Variants in PRUNE2 observed in about 807,000 individuals in gnomAD.
PRUNE2 encodes prune homolog 2 with BCH domain.
A neutral mutation model predicts 252.0 loss-of-function variants in PRUNE2; 164 were observed. The observed-to-expected ratio is 0.65, with a 90% CI of 0.57 to 0.74. The LOEUF (loss-of-function observed/expected upper bound fraction) is 0.74. PRUNE2 is among the 30% of genes least tolerant of loss of function. The pLI is 0.00. For missense variants in PRUNE2, 3,495 were observed against 3,711.0 expected (o/e 0.94, Z 1.51); for synonymous variants, 1,292 against 1,350.2 (o/e 0.96, Z 0.94).
Position 76,709,951 on chromosome 9 carries a change from G to C in PRUNE2, c.2323C>G (p.Pro775Ala). 1 of 1,613,782 alleles carries C rather than the reference G, an allele frequency of 6.2e-7. No homozygotes were observed. The highest frequency in any genetic ancestry group is 8.5e-7 in the Non-Finnish European group (1 of 1,179,796). ...CCCCAGGGCTCGGGCATGGCTGTGGGAGAGCGACCAGAATGCCACAAAGAA... is the reference window on the plus strand; with the variant it reads ...CCCCAGGGCTCGGGCATGGCTGTGGCAGAGCGACCAGAATGCCACAAAGAA... The part of the protein sequence containing the change: ...FASLWHSGRS[P>A]TAMPEPWGNP... Residue 775 changes from proline (P) to alanine (A), a missense_variant, in exon 8 of 19, where the codon CCC becomes GCC. Coordinates refer to ENST00000376718, the MANE Select transcript of PRUNE2 (RefSeq NM_015225.3).
intron 9 of PRUNE2, among the ~76,000 whole-genome samples, chr9:76,656,690 G>A (rs901546874): frequency 3.9e-5 from 6 of 152,090 alleles, no homozygotes; most frequent in African/African-American, 4.8e-5. Context: ...TCTCATTCTC[G>A]TGGTGGAGTT....
At chr9:76,731,286 CTATCTATCTA>C (rs1564171600) in intron 6 of PRUNE2, among the ~76,000 whole-genome samples, 1 of 74,880 alleles carries the variant, frequency 1.3e-5, no homozygotes, top group African/African-American at 5.5e-5. Context: ...CTCTCTCTAT[CTATCTATCTA>C]TCTATCTATC....
intron 9 of PRUNE2, among the ~76,000 whole-genome samples, chr9:76,677,682 A>G (rs2042846063): frequency 6.6e-6 from 1 of 152,152 alleles, no homozygotes; most frequent in Non-Finnish European, 1.5e-5. Context: ...CTCTAGCATT[A>G]AATTCCTTTA....
chr9:76,694,685 CAAA>C (rs2045206902), intron 9 of PRUNE2, among the ~76,000 whole-genome samples: 1 of 152,100 alleles, frequency 6.6e-6, no homozygotes, highest in East Asian at 1.9e-4. Flanking sequence ...TGTGCCAGGG[CAAA>C]ACAGTCCTAA....
intron 6 of PRUNE2, among the ~76,000 whole-genome samples, chr9:76,818,804 TTA>T (rs2131869729): frequency 6.6e-6 from 1 of 152,306 alleles, no homozygotes; most frequent in Admixed American, 6.5e-5. Context: ...ATTTTAAGTT[TTA>T]TTCTTTTAAG....
At chr9:76,833,309 T>C (rs550253941) in intron 4 of PRUNE2, among the ~76,000 whole-genome samples, 6 of 152,264 alleles carry the variant, frequency 3.9e-5, no homozygotes, top group Admixed American at 3.9e-4. Context: ...CAATCAGTTA[T>C]AATTGATCAT....
intron 1 of PRUNE2, among the ~76,000 whole-genome samples, chr9:76,887,836 C>T (rs530878441): frequency 6.6e-6 from 1 of 152,318 alleles, no homozygotes; most frequent in East Asian, 1.9e-4. Context: ...CTGAAAGCCA[C>T]CGACATTGGG....
chr9:76,707,037 G>A lies in PRUNE2; in HGVS notation c.5237C>T (p.Pro1746Leu), dbSNP rs781684912. The A allele has an allele frequency of 6.2e-7, 1 of 1,613,952 alleles. No individual in the cohort carries two copies. Among genetic ancestry groups the A allele is most frequent in the Non-Finnish European group, 8.5e-7 (1 of 1,179,862 alleles). ...GTTTGACTTATTCTCATTCTCTGCT[G>A]GCTCTGAGCTGTCTAGGTAGTCATA... The part of the protein sequence containing the change: ...NIYDYLDSSE[P>L]AENENKSNPF... The change falls in exon 8 of 19, where the codon CCA (proline) becomes CTA (leucine). Residue 1746 changes from proline to leucine, a missense_variant. Physicochemically the swap from Pro to Leu is moderately conservative, Grantham distance 98 (BLOSUM62 -3). Coordinates refer to ENST00000376718, the MANE Select transcript of PRUNE2 (RefSeq NM_015225.3).
At position 76,705,737 on chromosome 9, in the gene PRUNE2, G is replaced by C; in HGVS notation, c.6537C>G (p.Gly2179=). The C allele has an allele frequency of 3.7e-6, 6 of 1,614,000 alleles. No individual in the cohort carries two copies. The East Asian group carries it at 1.1e-4, about 30-fold the overall frequency. ...CTTTATGAGAGGCGGGCTGAGAGGAGCCCTTTATGTCTGCTTGATAGCCAA... is the reference window on the plus strand; with the variant it reads ...CTTTATGAGAGGCGGGCTGAGAGGACCCCTTTATGTCTGCTTGATAGCCAA... The part of the protein sequence containing the change: ...PPIGYQADIK[G]SSQPASHKGS... The change falls in exon 8 of 19, where the codon GGC becomes GGG. Residue 2179 remains glycine, a synonymous_variant. Coordinates refer to ENST00000376718, the MANE Select transcript of PRUNE2 (RefSeq NM_015225.3).
At chr9:76,781,899 G>A (rs1247242292) in intron 6 of PRUNE2, among the ~76,000 whole-genome samples, 1 of 152,182 alleles carries the variant, frequency 6.6e-6, no homozygotes, top group Non-Finnish European at 1.5e-5. Context: ...GGTAGGCAAG[G>A]TAATCAGAGA....
chr9:76,739,456 A>C (rs1189817305), intron 6 of PRUNE2: 2 of 152,170 alleles, frequency 1.3e-5, no homozygotes, highest in African/African-American at 2.4e-5. Context: ...GTTGGCAAGC[A>C]CCACTGAGCC....
chr9:76,708,394 G>C lies in PRUNE2; in HGVS notation c.3880C>G (p.Gln1294Glu). The C allele has an allele frequency of 6.2e-7, 1 of 1,613,790 alleles. No individual in the cohort carries two copies. Among genetic ancestry groups the C allele is most frequent in the South Asian group, 1.1e-5 (1 of 91,074 alleles). The change falls in exon 8 of 19, where the codon CAA becomes GAA. Residue 1294 changes from glutamine (Q) to glutamate (E), a missense_variant. Gln to Glu is a conservative substitution (Grantham distance 29). Transcript: ENST00000376718. ...DKQDTERETL[Q>E]SDAASLATRL... is the part of the protein sequence containing the mutation. Reference sequence around the variant, plus strand: ...GTCGCCAAGGATGCTGCATCACTTTGCAGGGTTTCCCTCTCTGTGTCCTGC... The same window carrying C: ...GTCGCCAAGGATGCTGCATCACTTTCCAGGGTTTCCCTCTCTGTGTCCTGC...
At chr9:76,723,983 AT>A (rs987404690) in intron 6 of PRUNE2, among the ~76,000 whole-genome samples, 4 of 150,664 alleles carry the variant, frequency 2.7e-5, no homozygotes, top group African/African-American at 9.7e-5. Context: ...AACTTTTTGT[AT>A]TTTTAGTAGA....
chr9:76,636,532 T>C lies in PRUNE2; in HGVS notation c.8989A>G (p.Ile2997Val), dbSNP rs1840133001. ...ATGAACCAAGATGGATGAACAATGA[T>C]GAATGATTTCAAATTCTTCCTCAAC... ...RRLRKNLKSFIIVHPSWFIRT... is the reference protein window; with the variant it reads ...RRLRKNLKSFVIVHPSWFIRT... Residue 2997 changes from isoleucine to valine, a missense_variant, in exon 15 of 19, where the codon ATC (isoleucine) becomes GTC (valine). Physicochemically the swap from Ile to Val is conservative, Grantham distance 29 (BLOSUM62 3). Coordinates refer to ENST00000376718, the MANE Select transcript of PRUNE2 (RefSeq NM_015225.3). The C allele has an allele frequency of 3.2e-6, 5 of 1,554,662 alleles. No homozygotes were observed. Among genetic ancestry groups the C allele is most frequent in the Non-Finnish European group, 3.5e-6 (4 of 1,145,974 alleles).
chr9:76,722,225 T>TTG (rs1491396348), intron 6 of PRUNE2, among the ~76,000 whole-genome samples: 9 of 75,922 alleles, frequency 1.2e-4, no homozygotes, highest in Admixed American at 6.6e-4. Context: ...CACCCTGCTA[T>TTG]TTTTTTTTTT....
chr9:76,692,444 T>C (rs1002742742), intron 9 of PRUNE2: 4 of 354,396 alleles, frequency 1.1e-5, no homozygotes, highest in African/African-American at 8.6e-5. Context: ...GTAAGGAATT[T>C]AGTTCTCTTG....
chr9:76,712,500 G>C (rs1168758529), intron 7 of PRUNE2, among the ~76,000 whole-genome samples: 2 of 141,198 alleles, frequency 1.4e-5, no homozygotes, highest in East Asian at 5.0e-4. Context: ...GGTGGGTGGG[G>C]AGAAGAGAGG....
intron 6 of PRUNE2, chr9:76,748,765 G>A (rs2050357375): frequency 6.6e-6 from 1 of 152,312 alleles, no homozygotes; most frequent in East Asian, 1.9e-4. Context: ...AGTAGGGAAA[G>A]GCATTTCAGG....
intron 6 of PRUNE2, among the ~76,000 whole-genome samples, chr9:76,746,524 T>C (rs1044082570): frequency 1.3e-5 from 2 of 150,182 alleles, no homozygotes; most frequent in Non-Finnish European, 3.0e-5. Flanking sequence ...GCTAACAAGG[T>C]GAAACCCCGT....
Sources: gnomAD v4.1 joint callset for allele counts (sites outside exome capture counted in the v4.1 genomes callset) on GRCh38, gnomAD v4.1.1 for gene constraint, MANE v1.5 for transcripts, NCBI Gene and HGNC (gene_info 2026-07-23, HGNC 2026-07-21) for gene names.